KHDRBS2: variants seen among roughly 807,000 people sequenced by gnomAD.
KHDRBS2 encodes KH RNA binding domain containing, signal transduction associated 2, also known as KH domain-containing, RNA-binding, signal transduction-associated protein 2.
Under a neutral mutation model 44.3 loss-of-function variants are expected in KHDRBS2, and 26 were observed. The ratio of observed to expected loss-of-function variants is 0.59; its 90% CI spans 0.43 to 0.81. The LOEUF is 0.81. Ranked by LOEUF, KHDRBS2 falls within the 40% of genes least tolerant of loss-of-function variation. The pLI is 0.00. For synonymous variants in KHDRBS2, 194 were observed against 151.1 expected (o/e 1.28, Z -2.08); for missense variants, 476 against 433.1 (o/e 1.10, Z -0.88).
chr6:61,939,847 A>G (rs1164540655), intron 4 of KHDRBS2, among the ~76,000 whole-genome samples: 1 of 152,292 alleles, frequency 6.6e-6, no homozygotes, highest in Non-Finnish European at 1.5e-5. Flanking sequence ...AAAATTATAG[A>G]TTTCCTATCA....
rs777759079 is a variant in KHDRBS2, at chr6:62,047,885, T to G, written c.329A>C (p.Lys110Thr). 1.1e-5 allele frequency: 18 copies of G among 1,598,030 alleles called. No individual in the cohort carries two copies. The highest frequency in any genetic ancestry group is 1.5e-5 in the Non-Finnish European group (17 of 1,165,928). The change falls in exon 3 of 9, where the codon AAA becomes ACA. Residue 110 changes from lysine to threonine, a missense_variant. Coordinates refer to ENST00000281156, the MANE Select transcript of KHDRBS2 (RefSeq NM_152688.4). ...AGATTCAAAGTTCAGTACCTTAGCT[T>G]TATCTCTCATTGATCCTTTGCCCAG... ...SILGKGSMRD[K>T]AKEEELRKSG...
At chr6:62,264,345 C>T (rs553163358) in intron 1 of KHDRBS2, among the ~76,000 whole-genome samples, 1 of 151,906 alleles carries the variant, frequency 6.6e-6, no homozygotes, top group African/African-American at 2.4e-5. Context: ...TGCTTATTAC[C>T]TATTCCTTTA....
At chr6:61,883,268 A>ATC (rs1800459403) in intron 6 of KHDRBS2, among the ~76,000 whole-genome samples, 1 of 152,032 alleles carries the variant, frequency 6.6e-6, no homozygotes, top group Non-Finnish European at 1.5e-5. Flanking sequence ...CATTTTTGCC[A>ATC]CTGCTGTCCT....
intron 2 of KHDRBS2, among the ~76,000 whole-genome samples, chr6:62,120,904 C>T (rs1402941425): frequency 6.6e-6 from 1 of 152,146 alleles, no homozygotes; most frequent in Non-Finnish European, 1.5e-5. Context: ...AGACCTCCAA[C>T]CTTTCACCAG....
At chr6:61,993,118 TG>T (rs1412921504) in intron 3 of KHDRBS2, among the ~76,000 whole-genome samples, 2 of 152,158 alleles carry the variant, frequency 1.3e-5, no homozygotes, top group African/African-American at 4.8e-5. Context: ...TTGATGTTTT[TG>T]GGAAAAGTGT....
intron 1 of KHDRBS2, among the ~76,000 whole-genome samples, chr6:62,265,415 T>C (rs2150184426): frequency 6.6e-6 from 1 of 152,084 alleles, no homozygotes; most frequent in South Asian, 2.1e-4. Context: ...GGAGTGTGTG[T>C]ATGTCTGTGT....
chr6:61,962,724 T>C (rs1287315267), intron 4 of KHDRBS2, among the ~76,000 whole-genome samples: 2 of 152,100 alleles, frequency 1.3e-5, no homozygotes, highest in Non-Finnish European at 2.9e-5. Flanking sequence ...CTTCGCTTTC[T>C]GACAAAAATT....
At chr6:61,545,274 C>T in the KHDRBS2 span, among the ~76,000 whole-genome samples, 16 of 151,942 alleles carry the variant, frequency 1.1e-4, no homozygotes, top group South Asian at 2.1e-4. Flanking sequence ...AGTGAGACCC[C>T]ATCTTTATAA....
intron 1 of KHDRBS2, among the ~76,000 whole-genome samples, chr6:62,214,701 A>G (rs1031390334): frequency 6.6e-6 from 1 of 151,952 alleles, no homozygotes; most frequent in African/African-American, 2.4e-5. Flanking sequence ...CTCTGTGCTC[A>G]AAAGAGGAAA....
chr6:61,652,439 A>C, the KHDRBS2 span: 1 of 151,790 alleles, frequency 6.6e-6, no homozygotes, highest in African/African-American at 2.4e-5. Flanking sequence ...TTTACTATAT[A>C]TTTTACATAT....
chr6:61,700,181 A>G (rs984510011), intron 7 of KHDRBS2, among the ~76,000 whole-genome samples: 1 of 151,866 alleles, frequency 6.6e-6, no homozygotes, highest in Non-Finnish European at 1.5e-5. Context: ...CATCATCAAT[A>G]CATTTTCTAT....
At chr6:62,149,166 A>T (rs948891365) in intron 2 of KHDRBS2, among the ~76,000 whole-genome samples, 1 of 152,074 alleles carries the variant, frequency 6.6e-6, no homozygotes, top group Non-Finnish European at 1.5e-5. Context: ...GTCATTTTTT[A>T]AAAATTTACA....
intron 4 of KHDRBS2, among the ~76,000 whole-genome samples, chr6:61,972,746 T>G (rs750478357): frequency 1.4e-4 from 22 of 152,188 alleles, no homozygotes; most frequent in Non-Finnish European, 3.1e-4. Flanking sequence ...CCAGTCAAAA[T>G]GTATCTGCCA....
At chr6:61,719,537 T>A (rs1582372706) in intron 7 of KHDRBS2, among the ~76,000 whole-genome samples, 1 of 152,236 alleles carries the variant, frequency 6.6e-6, no homozygotes, top group African/African-American at 2.4e-5. Flanking sequence ...AATCCCAGGA[T>A]GTAACTTGCC....
At chr6:61,810,378 T>C (rs1459182345) in intron 6 of KHDRBS2, among the ~76,000 whole-genome samples, 1 of 152,132 alleles carries the variant, frequency 6.6e-6, no homozygotes, top group Non-Finnish European at 1.5e-5. Flanking sequence ...GCAATCATAC[T>C]TACAGGGCCT....
chr6:62,275,331 G>A (rs1456632534), intron 1 of KHDRBS2, among the ~76,000 whole-genome samples: 2 of 151,818 alleles, frequency 1.3e-5, no homozygotes, highest in East Asian at 3.9e-4. Context: ...ATTCCTTAAA[G>A]GCCCCCTTTT....
At chr6:61,635,513 T>C in the KHDRBS2 span, among the ~76,000 whole-genome samples, 1 of 152,034 alleles carries the variant, frequency 6.6e-6, no homozygotes, top group Non-Finnish European at 1.5e-5. Flanking sequence ...TAGGGGCTTC[T>C]CAGGGGTTCT....
intron 6 of KHDRBS2, among the ~76,000 whole-genome samples, chr6:61,882,162 G>A (rs1257254836): frequency 6.6e-6 from 1 of 151,934 alleles, no homozygotes; most frequent in Non-Finnish European, 1.5e-5. Context: ...GAAAAAAGTA[G>A]GAAAGGTTTC....
Position 61,957,952 on chromosome 6 carries a change from A to T in KHDRBS2, c.483+20114T>A, listed in dbSNP as rs908692384. On this transcript the variant is annotated intron_variant, in intron 4 of 8. Transcript: ENST00000281156. ...TCTCTCTTTTGTACTCTGTCCCTTT[A>T]TTTCTCAGACTGGCCAACACTTAGG... is the stretch of plus-strand genomic sequence containing the variant. Among the ~76,000 whole-genome samples, 8 of 152,144 alleles carry T rather than the reference A, an allele frequency of 5.3e-5. No homozygotes were observed. In the South Asian group the frequency reaches 1.0e-3, roughly 20 times the overall value.
Sources: allele counts gnomAD v4.1 joint callset (sites outside exome capture counted in the v4.1 genomes callset), GRCh38; gene constraint gnomAD v4.1.1; transcripts MANE v1.5; gene names NCBI Gene and HGNC (gene_info 2026-07-23, HGNC 2026-07-21).